PKD1L3: variants seen among roughly 807,000 people sequenced by gnomAD.
PKD1L3 encodes polycystin 1 like 3, transient receptor potential channel interacting.
A neutral mutation model predicts 184.1 loss-of-function variants in PKD1L3; 239 were observed. The ratio of observed to expected loss-of-function variants is 1.30; its 90% CI spans 1.17 to 1.45. The LOEUF is 1.45. Ranked by LOEUF, PKD1L3 falls within the 40% of genes most tolerant of loss-of-function variation. The pLI, the probability that PKD1L3 is intolerant of heterozygous loss-of-function variation, is 0.00. For synonymous variants in PKD1L3, 996 were observed against 778.8 expected, an observed-to-expected ratio of 1.28 and a Z score of -4.64; for missense variants, 2,660 against 2,067.2, an observed-to-expected ratio of 1.29 and a Z score of -5.56.
intron 24 of PKD1L3, among the ~76,000 whole-genome samples, chr16:71,940,388 C>T (rs2038320168): frequency 6.6e-6 from 1 of 152,152 alleles, no homozygotes; most frequent in African/African-American, 2.4e-5. Context: ...ATAATAGGCT[C>T]ATATACTCAA....
intron 16 of PKD1L3, among the ~76,000 whole-genome samples, chr16:71,957,922 C>T (rs2039109804): frequency 6.6e-6 from 1 of 152,216 alleles, no homozygotes; most frequent in African/African-American, 2.4e-5. Flanking sequence ...GTGCTGTCTT[C>T]TTACAAGCCA....
rs2039796760 is a variant in PKD1L3 at position 71,973,436 on chromosome 16, T to G, written c.1841A>C (p.Glu614Ala). Reference protein sequence around the residue: ...GTYYITAVLSERQEGAQQTPS... With the variant: ...GTYYITAVLSARQEGAQQTPS... ...TGTCTGCTGAGCACCCTCCTGCCTCTCACTCAGCACAGCTGTTATATAGTA... is the reference window on the plus strand; with the variant it reads ...TGTCTGCTGAGCACCCTCCTGCCTCGCACTCAGCACAGCTGTTATATAGTA... Residue 614 changes from glutamate to alanine, a missense_variant, in exon 12 of 30, where the codon GAG becomes GCG. Coordinates refer to ENST00000620267, the MANE Select transcript of PKD1L3 (RefSeq NM_181536.2). 6.4e-6 allele frequency: 10 copies of G among 1,551,748 alleles called. No individual in the cohort carries two copies. The highest frequency in any genetic ancestry group is 7.8e-6 in the Non-Finnish European group (9 of 1,147,014).
At chr16:71,969,335 T>C (rs2039620847) in intron 13 of PKD1L3, among the ~76,000 whole-genome samples, 1 of 146,450 alleles carries the variant, frequency 6.8e-6, no homozygotes, top group African/African-American at 2.5e-5. Flanking sequence ...TTTTGGAGAC[T>C]GGGTCTCTGT....
intron 3 of PKD1L3, 110 bp downstream of exon 3, chr16:71,993,106 A>G (rs1239913627): frequency 4.0e-6 from 3 of 747,128 alleles, no homozygotes; most frequent in Non-Finnish European, 6.3e-6. Context: ...AATGCAACGA[A>G]TATTGGGCAC....
At chr16:71,937,454 C>T in intron 24 of PKD1L3, 35 bp from the exon 25 acceptor site, 1 of 1,540,752 alleles carries the variant, frequency 6.5e-7, no homozygotes. Flanking sequence ...AGTCAAGAGT[C>T]TAAAACTTTT....
Position 71,949,925 on chromosome 16 carries a change from A to G in PKD1L3, c.3476T>C (p.Leu1159Pro). 1 of 1,551,710 alleles carries G rather than the reference A, an allele frequency of 6.4e-7. No homozygotes were observed. The highest frequency in any genetic ancestry group is 8.7e-7 in the Non-Finnish European group (1 of 1,147,002). Residue 1159 changes from leucine (L) to proline (P), a missense_variant, in exon 21 of 30, where the codon CTC becomes CCC. By Grantham distance (98) the Leu-to-Pro change is moderately conservative (BLOSUM62 -3). Transcript: ENST00000620267. ...LSKWLTSVCW[L>P]LLGFTSLASA... ...AGCCAGGCTAGTGAAACCTAAGAGG[A>G]GCCAGCAGACTGAAGTCAACCATTT...
At chr16:71,970,269 G>A (rs534978651) in intron 12 of PKD1L3, among the ~76,000 whole-genome samples, 164 bp from the exon 13 acceptor site, 10 of 152,330 alleles carry the variant, frequency 6.6e-5, no homozygotes, top group Admixed American at 1.3e-4. Context: ...AAGTAATTTA[G>A]CAACATCTAG....
At chr16:71,997,284 T>A (rs2040823400) in intron 2 of PKD1L3, among the ~76,000 whole-genome samples, 1 of 152,032 alleles carries the variant, frequency 6.6e-6, no homozygotes, top group African/African-American at 2.4e-5. Flanking sequence ...GGTAGTTGTT[T>A]TTTTTTTAAG....
At chr16:71,973,935 G>C (rs531145148) in intron 11 of PKD1L3, among the ~76,000 whole-genome samples, 2 of 151,628 alleles carry the variant, frequency 1.3e-5, no homozygotes, top group Non-Finnish European at 2.9e-5. Context: ...TTGGGAGGTG[G>C]AAGTTGCAGT....
intron 16 of PKD1L3, among the ~76,000 whole-genome samples, chr16:71,955,493 G>T (rs1169581861): frequency 6.6e-6 from 1 of 151,796 alleles, no homozygotes; most frequent in Non-Finnish European, 1.5e-5. Flanking sequence ...ATATCATTTA[G>T]TTTTTTGTTT....
chr16:71,931,265 C>G (rs560454988), intron 28 of PKD1L3: 1 of 152,078 alleles, frequency 6.6e-6, no homozygotes, highest in Non-Finnish European at 1.5e-5. Context: ...AAAGGCTCAT[C>G]CCCTAGTTAT....
chr16:71,944,448 G>GGC, intron 22 of PKD1L3, among the ~76,000 whole-genome samples: 1 of 152,228 alleles, frequency 6.6e-6, no homozygotes, highest in Admixed American at 6.5e-5. Context: ...CACTTTGGGA[G>GGC]GCCAAGGCAG....
intron 10 of PKD1L3, 115 bp downstream of exon 10, chr16:71,978,140 A>G: frequency 8.1e-7 from 1 of 1,241,510 alleles, no homozygotes; most frequent in Non-Finnish European, 1.1e-6. Flanking sequence ...GTTAATAACA[A>G]AACAATGGCA....
At chr16:71,962,529 C>T (rs939844172) in intron 16 of PKD1L3, among the ~76,000 whole-genome samples, 1 of 152,112 alleles carries the variant, frequency 6.6e-6, no homozygotes, top group Non-Finnish European at 1.5e-5. Context: ...CGCTCCGTTG[C>T]CCAGGCTGGA....
chr16:71,977,111 G>A, intron 11 of PKD1L3, 125 bp downstream of exon 11: 1 of 738,620 alleles, frequency 1.4e-6, no homozygotes, highest in Non-Finnish European at 2.3e-6. Context: ...TACTTAAGAG[G>A]CTAAGGCAGG....
intron 28 of PKD1L3, 88 bp from the exon 29 acceptor site, chr16:71,930,271 A>C: frequency 7.6e-7 from 1 of 1,323,092 alleles, no homozygotes; most frequent in Non-Finnish European, 9.9e-7. Flanking sequence ...TTGGGATCTT[A>C]TCAGAAGAAA....
intron 26 of PKD1L3, 144 bp from the exon 27 acceptor site, chr16:71,934,269 GCCT>G (rs1025439616): frequency 3.2e-5 from 23 of 723,902 alleles, no homozygotes; most frequent in Non-Finnish European, 4.6e-5. Context: ...TTCTATTGTG[GCCT>G]CCTGTGAGTT....
At chr16:71,944,622 G>C (rs1346249730) in intron 22 of PKD1L3, among the ~76,000 whole-genome samples, 1 of 152,060 alleles carries the variant, frequency 6.6e-6, no homozygotes, top group Non-Finnish European at 1.5e-5. Flanking sequence ...GTTTGATGTT[G>C]TACTGAGACT....
intron 5 of PKD1L3, among the ~76,000 whole-genome samples, chr16:71,984,788 G>C (rs2143784331): frequency 6.6e-6 from 1 of 152,306 alleles, no homozygotes; most frequent in Non-Finnish European, 1.5e-5. Flanking sequence ...GAACCCGGGA[G>C]GCAGAGGTTG....
Sources: gnomAD v4.1 joint callset for allele counts (sites outside exome capture counted in the v4.1 genomes callset) on GRCh38, gnomAD v4.1.1 for gene constraint, MANE v1.5 for transcripts, NCBI Gene and HGNC (gene_info 2026-07-23, HGNC 2026-07-21) for gene names.